Variants in NUP160 observed in about 807,000 individuals in gnomAD.
The protein encoded by NUP160 is nucleoporin 160.
In NUP160, 94 loss-of-function variants were observed where a neutral mutation model predicts 196.9. The ratio of observed to expected loss-of-function variants is 0.48; its 90% CI spans 0.40 to 0.57. The LOEUF (loss-of-function observed/expected upper bound fraction) is 0.57. Among genes scored for constraint, NUP160 ranks in the 20% least tolerant of loss-of-function variants. NUP160 has a pLI of 0.00. For missense variants in NUP160, 1,638 were observed against 1,748.3 expected (o/e 0.94, Z 1.13); for synonymous variants, 605 against 619.7 (o/e 0.98, Z 0.35).
intron 11 of NUP160, among the ~76,000 whole-genome samples, chr11:47,817,769 G>A (rs754592617): frequency 6.6e-6 from 1 of 152,274 alleles, no homozygotes; most frequent in African/African-American, 2.4e-5. Context: ...ATTCTATACA[G>A]TGCAGTATGG....
Position 47,847,748 on chromosome 11 carries a change from T to G in NUP160, c.314+100A>C, listed in dbSNP as rs537858518. On this transcript the variant is annotated intron_variant, in intron 2 of 35. Coordinates refer to ENST00000378460, the Ensembl canonical transcript of NUP160. ...AAAACAATCTTTCTCTTTCCCTAAG[T>G]GTCAATTACCGCTTCTAGAATAGCA... The G allele has an allele frequency of 1.3e-4, 97 of 763,456 alleles. No homozygotes were observed. In the African/African-American group the frequency reaches 1.5e-3, roughly 12 times the overall value. 47.3% of individuals were successfully genotyped at this position (763,456 alleles called of 1,614,324 possible).
Position 47,819,461 on chromosome 11 carries a change from A to G in NUP160, c.1278-3T>C. 6.2e-7 allele frequency: 1 copy of G among 1,607,542 alleles called. No individual in the cohort carries two copies. The highest frequency in any genetic ancestry group is 2.2e-5 in the East Asian group (1 of 44,848). On this transcript the variant is annotated splice_polypyrimidine_tract_variant and splice_region_variant and intron_variant, in intron 9 of 35. Coordinates refer to ENST00000378460, the Ensembl canonical transcript of NUP160. ...GATTCCACTGACCTGCAACATTACT[A>G]GAGACAAAAAAGTCCACCAGTTTAT...
chr11:47,812,706 T>C (rs1313050853), intron 15 of NUP160, among the ~76,000 whole-genome samples, 176 bp downstream of exon 15: 2 of 152,248 alleles, frequency 1.3e-5, no homozygotes, highest in Non-Finnish European at 2.9e-5. Flanking sequence ...TTTCTAGACT[T>C]GAAGTCGTGT....
intron 34 of NUP160, among the ~76,000 whole-genome samples, chr11:47,780,862 G>T (rs2097660356): frequency 1.3e-5 from 2 of 152,258 alleles, no homozygotes; most frequent in Non-Finnish European, 2.9e-5. Context: ...ACAAGAAACT[G>T]TGTGTATACA....
chr11:47,811,755 T>C (rs1276760324), intron 17 of NUP160, among the ~76,000 whole-genome samples: 1 of 152,182 alleles, frequency 6.6e-6, no homozygotes, highest in African/African-American at 2.4e-5. Flanking sequence ...CATGATGGTT[T>C]GCTGCACAGA....
intron 23 of NUP160, among the ~76,000 whole-genome samples, chr11:47,799,173 C>T (rs747023218): frequency 8.0e-5 from 12 of 149,878 alleles, no homozygotes; most frequent in Non-Finnish European, 1.3e-4. Context: ...GCAACCCCTA[C>T]CTCCTGGGTT....
chr11:47,819,166 A>T (rs1465340433), intron 10 of NUP160, among the ~76,000 whole-genome samples: 1 of 152,040 alleles, frequency 6.6e-6, no homozygotes, highest in Non-Finnish European at 1.5e-5. Flanking sequence ...TACAAAAATT[A>T]GCTGGGTGTG....
intron 16 of NUP160, 31 bp from the exon 17 acceptor site, chr11:47,812,255 C>A: frequency 6.2e-7 from 1 of 1,613,562 alleles, no homozygotes; most frequent in Non-Finnish European, 8.5e-7. Context: ...GAGTTGAATG[C>A]ATCATTGTTT....
At chr11:47,842,888 T>C (rs953609365) in intron 2 of NUP160, among the ~76,000 whole-genome samples, 1 of 152,016 alleles carries the variant, frequency 6.6e-6, no homozygotes, top group Non-Finnish European at 1.5e-5. Context: ...CTTGGGAGGC[T>C]GAGATGGGAG....
chr11:47,784,974 T>G, exon 33 of NUP160: 6 of 1,605,600 alleles, frequency 3.7e-6, no homozygotes, highest in Non-Finnish European at 5.1e-6. Flanking sequence ...AGACAAGAGC[T>G]TGTTGATTAC....
rs536322888 is a variant in NUP160 at position 47,832,724 on chromosome 11, C to T, written c.1101+2927G>A. On this transcript the variant is annotated intron_variant, in intron 7 of 35. Transcript: ENST00000378460. Reference sequence around the variant, plus strand: ...CTGATTTGAGTTAACAGTAAAACTCCGGTCTCCTGTTTAGCTGGCTCTATG... The same window carrying T: ...CTGATTTGAGTTAACAGTAAAACTCTGGTCTCCTGTTTAGCTGGCTCTATG... Among the ~76,000 whole-genome samples the T allele has an allele frequency of 1.4e-3, 216 of 152,318 alleles. 1 individual carries two copies. The highest frequency in any genetic ancestry group is 4.3e-3 in the South Asian group (21 of 4,830).
chr11:47,831,632 T>C (rs1480710475), intron 7 of NUP160, among the ~76,000 whole-genome samples: 5 of 151,070 alleles, frequency 3.3e-5, no homozygotes, highest in Non-Finnish European at 7.4e-5. Context: ...TTACCTGAGA[T>C]CAGGAGAGAC....
intron 22 of NUP160, among the ~76,000 whole-genome samples, chr11:47,802,345 C>T (rs2097674672): frequency 6.6e-6 from 1 of 152,074 alleles, no homozygotes; most frequent in East Asian, 1.9e-4. Flanking sequence ...GCAGCAGAAT[C>T]GCCTGAACCT....
intron 28 of NUP160, 48 bp downstream of exon 28, chr11:47,792,738 C>G: frequency 6.7e-7 from 1 of 1,501,604 alleles, no homozygotes; most frequent in Non-Finnish European, 8.9e-7. Context: ...AGTAGATTTA[C>G]TTGTTCCAGG....
At chr11:47,837,431 T>G in intron 5 of NUP160, 114 bp downstream of exon 5, 1 of 797,880 alleles carries the variant, frequency 1.3e-6, no homozygotes, top group Non-Finnish European at 2.1e-6. Flanking sequence ...TTCTGACTGT[T>G]CTCCTTTCCA....
intron 2 of NUP160, 47 bp downstream of exon 2, chr11:47,847,801 C>T (rs1453374685): frequency 1.5e-6 from 2 of 1,373,982 alleles, no homozygotes. Context: ...AAAATTTATA[C>T]ACCAAACCCT....
chr11:47,835,447 T>C (rs1240221741), intron 7 of NUP160, among the ~76,000 whole-genome samples: 1 of 152,156 alleles, frequency 6.6e-6, no homozygotes, highest in African/African-American at 2.4e-5. Context: ...TTTCCTTTCA[T>C]GTTACTTTAA....
chr11:47,793,528 C>G (rs538040415), intron 27 of NUP160, among the ~76,000 whole-genome samples: 16 of 152,024 alleles, frequency 1.1e-4, no homozygotes, highest in African/African-American at 3.9e-4. Context: ...TCATGTCATT[C>G]AGTAATTCCA....
intron 10 of NUP160, among the ~76,000 whole-genome samples, 178 bp from the exon 11 acceptor site, chr11:47,818,302 T>TCTAGAGGTACTATACTTC (rs1367816652): frequency 6.6e-6 from 1 of 152,238 alleles, no homozygotes; most frequent in African/African-American, 2.4e-5. Flanking sequence ...TGCAATGTCT[T>TCTAGAGGTACTATACTTC]TGAGTCAACT....
Sources: allele counts gnomAD v4.1 joint callset (sites outside exome capture counted in the v4.1 genomes callset), GRCh38; gene constraint gnomAD v4.1.1; transcripts MANE v1.5; gene names NCBI Gene and HGNC (gene_info 2026-07-23, HGNC 2026-07-21).